CPVL: variants seen among roughly 807,000 people sequenced by gnomAD.
CPVL encodes the protein carboxypeptidase vitellogenic like, also known as probable serine carboxypeptidase CPVL.
CPVL carries 51 observed loss-of-function variants against 63.7 expected under a neutral mutation model. The ratio of observed to expected loss-of-function variants is 0.80; its 90% CI spans 0.64 to 1.01. CPVL has a LOEUF of 1.01. CPVL is among the 50% of genes least tolerant of loss of function. The pLI is 0.00. For missense variants in CPVL, 530 were observed against 573.1 expected (o/e 0.92, Z 0.77); for synonymous variants, 195 against 206.0 (o/e 0.95, Z 0.46).
rs1371459004 is a variant in CPVL, at chr7:28,995,313, T to A, written c.*459A>T. ...CATTTGAGAATCTTTTCCCCAAAACTATTATAGCTTCATCCATTTATTTGG... is the reference window on the plus strand; with the variant it reads ...CATTTGAGAATCTTTTCCCCAAAACAATTATAGCTTCATCCATTTATTTGG... On this transcript the variant is annotated 3_prime_UTR_variant, in exon 13 of 13. Transcript: ENST00000265394. The A allele has an allele frequency of 6.5e-6, 1 of 153,516 alleles. No homozygotes were observed. Among genetic ancestry groups the A allele is most frequent in the African/African-American group, 2.4e-5 (1 of 41,486 alleles). The allele number at this position is 153,516 out of a possible 1,614,324, so 9.5% of individuals were successfully genotyped here. A position where few individuals can be genotyped will look rare whatever the true frequency, so the allele number is the denominator to read the frequency against.
At chr7:29,166,673 T>C (rs542438074) in intron 5 of CPVL, among the ~76,000 whole-genome samples, 1 of 152,314 alleles carries the variant, frequency 6.6e-6, no homozygotes, top group South Asian at 2.1e-4. Flanking sequence ...AATATTTTCT[T>C]ATACTTTTAG....
In CPVL at chr7:29,152,338, C is replaced by G. The variant is rs574832127; in HGVS notation, c.-11+28952G>C. On this transcript the variant is annotated intron_variant, in intron 5 of 16. Coordinates refer to the CPVL transcript ENST00000409850. ...GGATTCCCCCTTGATTCTGAGACAGCTACACCTAGGAGCACCAAGCAGTGA... is the reference window on the plus strand; with the variant it reads ...GGATTCCCCCTTGATTCTGAGACAGGTACACCTAGGAGCACCAAGCAGTGA... Among the ~76,000 whole-genome samples the G allele has an allele frequency of 1.4e-4, 22 of 152,292 alleles. No homozygotes were observed. In the East Asian group the frequency reaches 4.2e-3, roughly 29 times the overall value.
intron 5 of CPVL, among the ~76,000 whole-genome samples, chr7:29,177,227 TTTTTGTTTTATTTTG>T (rs1323944377): frequency 8.6e-5 from 11 of 128,172 alleles, no homozygotes; most frequent in Admixed American, 6.8e-4. Flanking sequence ...TTTCTTTCTT[TTTTTGTTTTATTTTG>T]TTTTGTTTTG....
intron 10 of CPVL, 129 bp from the exon 11 acceptor site, chr7:29,064,363 A>G: frequency 1.9e-6 from 1 of 520,398 alleles, no homozygotes; most frequent in East Asian, 3.0e-5. Context: ...ACTTGTCGCC[A>G]TTCTTGAAAT....
chr7:29,117,691 G>A (rs542937536), intron 2 of CPVL, among the ~76,000 whole-genome samples: 16 of 152,174 alleles, frequency 1.1e-4, no homozygotes, highest in Admixed American at 4.6e-4. Context: ...TGATTTCTCC[G>A]GGCCTCAGTG....
intron 1 of CPVL, chr7:29,193,845 G>A (rs942001420): frequency 3.9e-5 from 6 of 152,212 alleles, no homozygotes; most frequent in Admixed American, 2.0e-4. Flanking sequence ...GTGTGGGCCT[G>A]ATGACACGTT....
intron 4 of CPVL, among the ~76,000 whole-genome samples, chr7:29,183,676 C>G (rs1430874855): frequency 6.6e-6 from 1 of 151,894 alleles, no homozygotes; most frequent in South Asian, 2.1e-4. Context: ...CACACCTGGC[C>G]CAGAATTTTT....
intron 11 of CPVL, among the ~76,000 whole-genome samples, chr7:29,054,870 C>T (rs1054363832): frequency 6.6e-6 from 1 of 152,158 alleles, no homozygotes; most frequent in Admixed American, 6.5e-5. Context: ...TTATCTTCAG[C>T]ACTGTCTAAT....
chr7:29,039,621 G>A (rs1167325545), intron 11 of CPVL, among the ~76,000 whole-genome samples: 1 of 151,994 alleles, frequency 6.6e-6, no homozygotes, highest in Admixed American at 6.6e-5. Flanking sequence ...ATCATGTGAG[G>A]TCCACTTACT....
At position 29,112,798 on chromosome 7, in the gene CPVL, G is replaced by A. The variant is rs780016523; in HGVS notation, c.194C>T (p.Pro65Leu). ...ACTCTTCATGTTCAGTCCTGGGAAA[G>A]GGCCGACCAAACTCAATTCTCTTCC... ...QKGRELSLVG[P>L]FPGLNMKSYA... is the part of the protein sequence containing the mutation. Residue 65 changes from proline to leucine, a missense_variant, in exon 3 of 13, where the codon CCT (proline) becomes CTT (leucine). Physicochemically the swap from Pro to Leu is moderately conservative, Grantham distance 98. Transcript: ENST00000265394. The A allele has an allele frequency of 1.9e-6, 3 of 1,613,536 alleles. No individual in the cohort carries two copies. Among genetic ancestry groups the A allele is most frequent in the South Asian group, 2.2e-5 (2 of 91,038 alleles).
At chr7:29,191,891 C>A (rs1782936330) in intron 1 of CPVL, 1 of 152,212 alleles carries the variant, frequency 6.6e-6, no homozygotes, top group Non-Finnish European at 1.5e-5. Context: ...CATTTTATTT[C>A]CAGCATGTCC....
intron 12 of CPVL, chr7:28,996,142 T>C (rs1169310923): frequency 2.8e-6 from 1 of 360,120 alleles, no homozygotes; most frequent in Non-Finnish European, 4.9e-6. Context: ...AATTGAAAAT[T>C]ATTCCTTGTC....
chr7:29,006,393 T>C (rs1417474755), intron 12 of CPVL, among the ~76,000 whole-genome samples: 3 of 152,162 alleles, frequency 2.0e-5, no homozygotes, highest in African/African-American at 7.2e-5. Flanking sequence ...GGTCTAAAAC[T>C]TCTTTGAAAC....
upstream of CPVL, chr7:29,146,965 G>C: frequency 2.6e-6 from 4 of 1,550,940 alleles, no homozygotes; most frequent in Non-Finnish European, 3.5e-6. Context: ...CTAGCAGTAA[G>C]CTCGCACCAA....
intron 11 of CPVL, among the ~76,000 whole-genome samples, chr7:29,039,196 T>G (rs1788828611): frequency 6.6e-6 from 1 of 152,234 alleles, no homozygotes; most frequent in African/African-American, 2.4e-5. Flanking sequence ...ATAAATTGAA[T>G]TTCAGGTTCT....
intron 11 of CPVL, among the ~76,000 whole-genome samples, chr7:29,034,716 T>A (rs941407231): frequency 1.6e-4 from 25 of 151,876 alleles, no homozygotes; most frequent in African/African-American, 5.1e-4. Flanking sequence ...TTTTTCGTAT[T>A]TTTGGTAGAG....
At chr7:29,145,208 G>A (rs769361692) in intron 1 of CPVL, among the ~76,000 whole-genome samples, 2 of 151,802 alleles carry the variant, frequency 1.3e-5, no homozygotes, top group African/African-American at 4.8e-5. Flanking sequence ...CTAATAAAAT[G>A]TATTCTCAAT....
intron 1 of CPVL, chr7:29,194,617 G>T (rs911973512): frequency 3.7e-6 from 1 of 271,504 alleles, no homozygotes; most frequent in Non-Finnish European, 6.8e-6. Context: ...GAGCGTGGAC[G>T]GCAGAGGGGC....
chr7:29,096,984 C>CA (rs1165892123), intron 3 of CPVL, among the ~76,000 whole-genome samples: 918 of 51,002 alleles, frequency 0.018, 14 homozygotes, highest in Non-Finnish European at 0.022. Context: ...GACTCTGTCT[C>CA]AAAAAAAAAA....
Sources: allele counts gnomAD v4.1 joint callset (sites outside exome capture counted in the v4.1 genomes callset), GRCh38; gene constraint gnomAD v4.1.1; transcripts MANE v1.5; gene names NCBI Gene and HGNC (gene_info 2026-07-23, HGNC 2026-07-21).